SUGCT: variants seen among roughly 807,000 people sequenced by gnomAD.
The protein encoded by SUGCT is succinyl-CoA:glutarate-CoA transferase, also known as succinyl-CoA:glutarate CoA-transferase.
SUGCT carries 41 observed loss-of-function variants against 55.0 expected under a neutral mutation model. The observed-to-expected ratio is 0.74, with a 90% CI of 0.58 to 0.97. SUGCT has a LOEUF of 0.97. SUGCT is among the 50% of genes least tolerant of loss of function. SUGCT has a pLI of 0.00. For synonymous variants in SUGCT, 187 were observed against 200.4 expected (o/e 0.93, Z 0.56); for missense variants, 568 against 547.8 (o/e 1.04, Z -0.37).
chr7:40,660,817 A>T (rs1400814877), intron 12 of SUGCT, among the ~76,000 whole-genome samples: 2 of 152,004 alleles, frequency 1.3e-5, no homozygotes, highest in Non-Finnish European at 2.9e-5. Context: ...CTCTCCCACT[A>T]ATCTACAGCT....
intron 9 of SUGCT, among the ~76,000 whole-genome samples, chr7:40,367,369 A>G (rs1452750257): frequency 6.6e-6 from 1 of 151,868 alleles, no homozygotes; most frequent in Non-Finnish European, 1.5e-5. Flanking sequence ...ATACATATGT[A>G]ACTAACCTGC....
chr7:40,941,256 C>T, the SUGCT span, among the ~76,000 whole-genome samples: 2 of 151,924 alleles, frequency 1.3e-5, no homozygotes, highest in Non-Finnish European at 2.9e-5. Flanking sequence ...TGCTGTATCC[C>T]AGAGGTTTTG....
At chr7:40,154,705 C>G (rs919111927) in intron 1 of SUGCT, among the ~76,000 whole-genome samples, 2 of 152,090 alleles carry the variant, frequency 1.3e-5, no homozygotes, top group African/African-American at 4.8e-5. Context: ...AGGCAGAGAA[C>G]ATAATTACAT....
chr7:40,473,647 A>T (rs1790513375), intron 11 of SUGCT, among the ~76,000 whole-genome samples: 1 of 152,176 alleles, frequency 6.6e-6, no homozygotes, highest in African/African-American at 2.4e-5. Flanking sequence ...CAGAAAAAAA[A>T]AATGGTGGCA....
the SUGCT span, among the ~76,000 whole-genome samples, chr7:40,901,266 C>G: frequency 6.6e-6 from 1 of 152,188 alleles, no homozygotes; most frequent in Non-Finnish European, 1.5e-5. Flanking sequence ...CCCAGGCTAG[C>G]AGCGAAGAAA....
intron 9 of SUGCT, among the ~76,000 whole-genome samples, chr7:40,356,054 A>G (rs544058967): frequency 6.6e-6 from 1 of 152,230 alleles, no homozygotes; most frequent in Non-Finnish European, 1.5e-5. Flanking sequence ...GAAATATGGA[A>G]ATTTCCTTTG....
chr7:40,808,902 A>C (rs1791249003), intron 13 of SUGCT, among the ~76,000 whole-genome samples: 1 of 152,162 alleles, frequency 6.6e-6, no homozygotes, highest in Non-Finnish European at 1.5e-5. Flanking sequence ...CATATATTTC[A>C]ATGACAAGGC....
At chr7:40,295,372 T>G (rs927590493) in intron 8 of SUGCT, among the ~76,000 whole-genome samples, 2 of 152,140 alleles carry the variant, frequency 1.3e-5, no homozygotes, top group Admixed American at 1.3e-4. Flanking sequence ...GGTCAGGAGT[T>G]CGAGACCAGC....
chr7:40,291,164 C>G (rs1793723228), intron 8 of SUGCT, among the ~76,000 whole-genome samples: 1 of 152,050 alleles, frequency 6.6e-6, no homozygotes, highest in African/African-American at 2.4e-5. Flanking sequence ...GGTATATACC[C>G]AAAGGATTAT....
chr7:40,453,092 A>G (rs898267093), intron 10 of SUGCT, among the ~76,000 whole-genome samples: 1 of 152,178 alleles, frequency 6.6e-6, no homozygotes, highest in Non-Finnish European at 1.5e-5. Context: ...TGCAAAGAAC[A>G]TGAAAAAGTG....
the SUGCT span, among the ~76,000 whole-genome samples, chr7:40,893,584 C>G: frequency 6.6e-6 from 1 of 152,090 alleles, no homozygotes; most frequent in East Asian, 1.9e-4. Flanking sequence ...AAAGAGCATG[C>G]TAGTGAACAA....
rs145129933 is a variant in SUGCT, at chr7:40,161,759, C to T, written c.101-19188C>T. Among the ~76,000 whole-genome samples, 61 of 152,254 alleles carry T rather than the reference C, an allele frequency of 4.0e-4. No homozygotes were observed. In the South Asian group the frequency reaches 0.01, roughly 25 times the overall value. Reference sequence around the variant, plus strand: ...CTGGACAGCTAACTTCAGGATGGCCCGTTAAAGAAGCCTGAACACCTAAGT... The same window carrying T: ...CTGGACAGCTAACTTCAGGATGGCCTGTTAAAGAAGCCTGAACACCTAAGT... On this transcript the variant is annotated intron_variant, in intron 1 of 13. Coordinates refer to ENST00000335693, the MANE Select transcript of SUGCT (RefSeq NM_001193313.2).
At chr7:40,933,702 T>A in the SUGCT span, among the ~76,000 whole-genome samples, 7 of 152,210 alleles carry the variant, frequency 4.6e-5, no homozygotes, top group Non-Finnish European at 2.9e-5. Flanking sequence ...GTCACTGATA[T>A]CCTTTCTTCC....
chr7:40,274,382 T>G, intron 7 of SUGCT, 131 bp from the exon 8 acceptor site: 1 of 867,476 alleles, frequency 1.2e-6, no homozygotes, highest in Non-Finnish European at 1.7e-6. Flanking sequence ...TTTATTAACT[T>G]TCTTGTGTGT....
At chr7:40,447,942 C>T (rs1788937207) in intron 9 of SUGCT, among the ~76,000 whole-genome samples, 1 of 152,034 alleles carries the variant, frequency 6.6e-6, no homozygotes, top group Non-Finnish European at 1.5e-5. Flanking sequence ...TTGGTTCCTC[C>T]AATTTCACTG....
intron 12 of SUGCT, among the ~76,000 whole-genome samples, chr7:40,540,512 A>G (rs542982903): frequency 3.9e-5 from 6 of 152,358 alleles, no homozygotes; most frequent in African/African-American, 1.2e-4. Flanking sequence ...GTGTAAGACC[A>G]TTGTCACTCT....
At chr7:40,388,479 G>A (rs1472041923) in intron 9 of SUGCT, among the ~76,000 whole-genome samples, 8 of 152,020 alleles carry the variant, frequency 5.3e-5, no homozygotes, top group Admixed American at 4.6e-4. Context: ...GCAGCGGCGC[G>A]ATCTTGGCTC....
intron 12 of SUGCT, among the ~76,000 whole-genome samples, chr7:40,639,675 A>ATT (rs370490950): frequency 0.11 from 15,452 of 140,208 alleles, 1,129 homozygotes; most frequent in African/African-American, 0.2. Context: ...ATGCCGTCTA[A>ATT]TTTTTTTTTT....
In SUGCT at chr7:40,590,262, A is replaced by G. The variant is rs1584069550; in HGVS notation, c.1089+93876A>G. Among the ~76,000 whole-genome samples the G allele has an allele frequency of 2.6e-5, 4 of 152,286 alleles. No individual in the cohort carries two copies. The East Asian group carries it at 7.7e-4, about 29-fold the overall frequency. On this transcript the variant is annotated intron_variant, in intron 12 of 13. Transcript: ENST00000335693. ...GCCTTCCTATTTCCTGAAAGACGAT[A>G]ATATTAATATTTGGTTAATTAATAA... is the stretch of plus-strand genomic sequence containing the variant.
Sources: gnomAD v4.1 joint callset for allele counts (sites outside exome capture counted in the v4.1 genomes callset) on GRCh38, gnomAD v4.1.1 for gene constraint, MANE v1.5 for transcripts, NCBI Gene and HGNC (gene_info 2026-07-23, HGNC 2026-07-21) for gene names.